The following SUGCT variants were observed in gnomAD, a reference collection of about 807,000 sequenced individuals.
The protein encoded by SUGCT is succinyl-CoA:glutarate-CoA transferase.
A neutral mutation model predicts 55.0 loss-of-function variants in SUGCT; 41 were observed. That is an observed-to-expected ratio of 0.74 (90% CI 0.58 to 0.97). SUGCT has a LOEUF of 0.97. SUGCT is among the 50% of genes least tolerant of loss of function. The pLI, the probability that SUGCT is intolerant of heterozygous loss-of-function variation, is 0.00. For synonymous variants in SUGCT, 187 were observed against 200.4 expected, an observed-to-expected ratio of 0.93 and a Z score of 0.56; for missense variants, 568 against 547.8, an observed-to-expected ratio of 1.04 and a Z score of -0.37.
intron 12 of SUGCT, among the ~76,000 whole-genome samples, chr7:40,558,508 A>G (rs1006929459): frequency 5.3e-5 from 8 of 152,262 alleles, no homozygotes; most frequent in African/African-American, 1.9e-4. Flanking sequence ...AAGTAGGGAC[A>G]AAGGACAGAT....
intron 9 of SUGCT, among the ~76,000 whole-genome samples, chr7:40,420,363 G>A (rs1000004248): frequency 1.3e-5 from 2 of 152,048 alleles, no homozygotes; most frequent in African/African-American, 4.8e-5. Flanking sequence ...TTTTGAGACA[G>A]AATCTTACTC....
chr7:40,655,974 G>A lies in SUGCT; in HGVS notation c.1090-93460G>A, dbSNP rs544586219. Reference sequence around the variant, plus strand: ...AAAAATAAGTTGTTAAATAATAGAAGGAAGGAGCCGAGAGGGGCAAGAGAA... The same window carrying A: ...AAAAATAAGTTGTTAAATAATAGAAAGAAGGAGCCGAGAGGGGCAAGAGAA... On this transcript the variant is annotated intron_variant, in intron 12 of 13. Transcript: ENST00000335693. Among the ~76,000 whole-genome samples the A allele has an allele frequency of 1.6e-4, 24 of 152,186 alleles. No homozygotes were observed. In the Middle Eastern group the frequency reaches 0.01, roughly 65 times the overall value.
intron 12 of SUGCT, among the ~76,000 whole-genome samples, chr7:40,684,689 C>A (rs1435940981): frequency 3.3e-5 from 5 of 152,204 alleles, no homozygotes; most frequent in African/African-American, 1.2e-4. Flanking sequence ...ATTTTCTACA[C>A]AACTCACAAC....
chr7:40,405,558 C>G (rs1786313490), intron 9 of SUGCT, among the ~76,000 whole-genome samples: 1 of 151,902 alleles, frequency 6.6e-6, no homozygotes, highest in African/African-American at 2.4e-5. Flanking sequence ...TGCCTTTATC[C>G]CAGCACTTTG....
chr7:40,225,435 ATTTT>A (rs34672683), intron 6 of SUGCT, among the ~76,000 whole-genome samples: 1 of 138,346 alleles, frequency 7.2e-6, no homozygotes, highest in Non-Finnish European at 1.6e-5. Flanking sequence ...ATAATATATG[ATTTT>A]TTTTTTTTTT....
chr7:40,347,509 A>G (rs565050468), intron 9 of SUGCT, among the ~76,000 whole-genome samples: 9 of 152,354 alleles, frequency 5.9e-5, no homozygotes, highest in African/African-American at 2.2e-4. Context: ...CTGAATGCTT[A>G]TAGTAAAATG....
chr7:40,471,136 A>T (rs1300561061), intron 11 of SUGCT, among the ~76,000 whole-genome samples: 1 of 152,098 alleles, frequency 6.6e-6, no homozygotes, highest in African/African-American at 2.4e-5. Context: ...AACACATCAA[A>T]ATATACAAAT....
At chr7:40,886,705 C>T in the SUGCT span, among the ~76,000 whole-genome samples, 1 of 152,196 alleles carries the variant, frequency 6.6e-6, no homozygotes, top group Admixed American at 6.5e-5. Context: ...AACTAGCCAA[C>T]TCCCAGAATT....
chr7:40,927,925 G>A, the SUGCT span, among the ~76,000 whole-genome samples: 4 of 151,980 alleles, frequency 2.6e-5, no homozygotes, highest in Non-Finnish European at 5.9e-5. Flanking sequence ...TAAAATTCTA[G>A]TTTAATGATT....
intron 8 of SUGCT, among the ~76,000 whole-genome samples, chr7:40,298,278 A>AT (rs1794303060): frequency 6.6e-6 from 1 of 152,002 alleles, no homozygotes; most frequent in South Asian, 2.1e-4. Flanking sequence ...AGGAAGACAG[A>AT]TTTTTTAAAG....
At chr7:40,564,494 G>A (rs1290421796) in intron 12 of SUGCT, among the ~76,000 whole-genome samples, 2 of 152,218 alleles carry the variant, frequency 1.3e-5, no homozygotes, top group Non-Finnish European at 2.9e-5. Context: ...AATTATATCT[G>A]TAGGGTAGAG....
intron 11 of SUGCT, among the ~76,000 whole-genome samples, chr7:40,474,767 C>T (rs1790571969): frequency 6.6e-6 from 1 of 152,164 alleles, no homozygotes; most frequent in South Asian, 2.1e-4. Context: ...AATACTTGCC[C>T]TGTCCTATTA....
intron 6 of SUGCT, among the ~76,000 whole-genome samples, chr7:40,224,830 G>A (rs1788235844): frequency 6.6e-6 from 1 of 152,154 alleles, no homozygotes; most frequent in African/African-American, 2.4e-5. Flanking sequence ...GTTCCAAGTA[G>A]GGAGGAATTG....
chr7:40,411,591 A>T (rs530562346), intron 9 of SUGCT, among the ~76,000 whole-genome samples: 1 of 152,262 alleles, frequency 6.6e-6, no homozygotes, highest in Admixed American at 6.5e-5. Context: ...ATAGAAGTAG[A>T]TTGGTGGTTG....
At chr7:40,299,648 C>CA (rs66695626) in intron 8 of SUGCT, among the ~76,000 whole-genome samples, 78,675 of 148,262 alleles carry the variant, frequency 0.53, 22,140 homozygotes, top group Non-Finnish European at 0.65. Context: ...CTATGTAGGC[C>CA]AAAAAAAAAA....
intron 13 of SUGCT, among the ~76,000 whole-genome samples, chr7:40,851,934 C>T (rs1407429199): frequency 6.6e-6 from 1 of 152,188 alleles, no homozygotes; most frequent in Non-Finnish European, 1.5e-5. Context: ...AAAACCTCAG[C>T]ATCAGAGATG....
At chr7:40,727,741 T>A (rs2128692333) in intron 12 of SUGCT, among the ~76,000 whole-genome samples, 1 of 152,324 alleles carries the variant, frequency 6.6e-6, no homozygotes, top group South Asian at 2.1e-4. Context: ...GAAAGAGAAT[T>A]TTGTAAACCT....
chr7:40,153,875 G>T, intron 1 of SUGCT: 1 of 367,486 alleles, frequency 2.7e-6, no homozygotes. Flanking sequence ...TTGCCATTTG[G>T]AAAAAAGATG....
At chr7:40,979,531 G>A in the SUGCT span, 44 of 152,318 alleles carry the variant, frequency 2.9e-4, no homozygotes, top group Non-Finnish European at 5.3e-4. Context: ...CAGCCCCTGC[G>A]GAGGCCTGAC....
Sources: gnomAD v4.1 joint callset for allele counts (sites outside exome capture counted in the v4.1 genomes callset) on GRCh38, gnomAD v4.1.1 for gene constraint, MANE v1.5 for transcripts, NCBI Gene and HGNC (gene_info 2026-07-23, HGNC 2026-07-21) for gene names.